NKAIN2: variants seen among roughly 807,000 people sequenced by gnomAD.
NKAIN2 encodes the protein sodium/potassium transporting ATPase interacting 2.
NKAIN2 carries 14 observed loss-of-function variants against 32.6 expected under a neutral mutation model. That is an observed-to-expected ratio of 0.43 (90% CI 0.28 to 0.67). The LOEUF is 0.67. Ranked by LOEUF, NKAIN2 falls within the 30% of genes least tolerant of loss-of-function variation. The pLI, the probability that NKAIN2 is intolerant of heterozygous loss-of-function variation, is 0.17. For synonymous variants in NKAIN2, 80 were observed against 87.2 expected (o/e 0.92, Z 0.46); for missense variants, 198 against 258.3 (o/e 0.77, Z 1.60).
intron 1 of NKAIN2, among the ~76,000 whole-genome samples, chr6:124,256,106 G>A (rs575471779): frequency 3.3e-5 from 5 of 152,274 alleles, no homozygotes; most frequent in African/African-American, 9.6e-5. Context: ...TTCTCAGCAA[G>A]TCAGTTGGCA....
chr6:124,481,565 C>A (rs1243323810), intron 3 of NKAIN2, among the ~76,000 whole-genome samples: 1 of 152,036 alleles, frequency 6.6e-6, no homozygotes, highest in African/African-American at 2.4e-5. Context: ...TTCTGTTTTT[C>A]AAATCTTTTA....
chr6:124,529,199 G>A lies in NKAIN2; in HGVS notation c.274-128987G>A, dbSNP rs72973805. On this transcript the variant is annotated intron_variant, in intron 3 of 6. Transcript: ENST00000368417. ...TTAACATTTGACATTGATGTATACA[G>A]AACAGAAACCTCACTCAAACTAAGA... is the stretch of plus-strand genomic sequence containing the variant. Among the ~76,000 whole-genome samples, 685 of 152,170 alleles carry A rather than the reference G, an allele frequency of 4.5e-3. 2 individuals are homozygous for A. Among genetic ancestry groups the A allele is most frequent in the Non-Finnish European group, 6.0e-3 (408 of 67,990 alleles).
At chr6:124,540,920 G>C (rs952903897) in intron 3 of NKAIN2, among the ~76,000 whole-genome samples, 1 of 152,098 alleles carries the variant, frequency 6.6e-6, no homozygotes, top group Non-Finnish European at 1.5e-5. Context: ...GGTAGGTTAG[G>C]TGTATTAACT....
At chr6:124,447,332 T>C (rs974449755) in intron 3 of NKAIN2, among the ~76,000 whole-genome samples, 5 of 152,156 alleles carry the variant, frequency 3.3e-5, no homozygotes, top group African/African-American at 1.2e-4. Context: ...TAAATAATAT[T>C]TGTTGAATGC....
At chr6:124,600,663 C>G (rs1297763492) in intron 3 of NKAIN2, among the ~76,000 whole-genome samples, 2 of 151,980 alleles carry the variant, frequency 1.3e-5, no homozygotes, top group Non-Finnish European at 2.9e-5. Context: ...TGGAATTTTA[C>G]AATTGCAGAA....
chr6:124,334,233 G>T (rs1797776835), intron 2 of NKAIN2, among the ~76,000 whole-genome samples: 2 of 152,126 alleles, frequency 1.3e-5, no homozygotes, highest in South Asian at 4.1e-4. Flanking sequence ...GAACCCTTGA[G>T]CCCAAAATAC....
chr6:124,521,169 A>G (rs1779104343), intron 3 of NKAIN2, among the ~76,000 whole-genome samples: 1 of 152,140 alleles, frequency 6.6e-6, no homozygotes, highest in African/African-American at 2.4e-5. Flanking sequence ...TACAATGTCA[A>G]GCAGGAGTAG....
chr6:123,858,267 C>T (rs1466493406), intron 1 of NKAIN2, among the ~76,000 whole-genome samples: 1 of 152,014 alleles, frequency 6.6e-6, no homozygotes, highest in Non-Finnish European at 1.5e-5. Flanking sequence ...AGGTGCCCAC[C>T]ACCACACCTG....
At chr6:124,098,805 G>A (rs1784753976) in intron 1 of NKAIN2, among the ~76,000 whole-genome samples, 1 of 152,170 alleles carries the variant, frequency 6.6e-6, no homozygotes, top group South Asian at 2.1e-4. Context: ...AGGAAGTGGA[G>A]GTTGCAGTGA....
chr6:124,325,495 A>G (rs1797374200), intron 2 of NKAIN2, among the ~76,000 whole-genome samples: 1 of 152,110 alleles, frequency 6.6e-6, no homozygotes. Flanking sequence ...ACAGGAAAAA[A>G]ATTGTAATAC....
chr6:124,135,316 T>G (rs1786703532), intron 1 of NKAIN2, among the ~76,000 whole-genome samples: 1 of 151,982 alleles, frequency 6.6e-6, no homozygotes, highest in African/African-American at 2.4e-5. Flanking sequence ...ATGCTCCACT[T>G]AAAAGATACA....
At chr6:124,231,873 A>ATATC (rs1792481103) in intron 1 of NKAIN2, among the ~76,000 whole-genome samples, 1 of 151,458 alleles carries the variant, frequency 6.6e-6, no homozygotes. Flanking sequence ...ATATATATAT[A>ATATC]CTTGCACATA....
At chr6:124,396,536 G>T (rs1336988272) in intron 3 of NKAIN2, among the ~76,000 whole-genome samples, 1 of 152,032 alleles carries the variant, frequency 6.6e-6, no homozygotes, top group Non-Finnish European at 1.5e-5. Flanking sequence ...TACATAAGGG[G>T]AATAGTTTTA....
chr6:123,819,196 A>G (rs1773821989), intron 1 of NKAIN2, among the ~76,000 whole-genome samples: 1 of 152,216 alleles, frequency 6.6e-6, no homozygotes, highest in Admixed American at 6.5e-5. Flanking sequence ...GATAATCTGC[A>G]GTGCTCAGGG....
intron 5 of NKAIN2, among the ~76,000 whole-genome samples, chr6:124,808,491 A>G (rs1582560824): frequency 6.6e-6 from 1 of 152,340 alleles, no homozygotes; most frequent in African/African-American, 2.4e-5. Context: ...TCTCAAAATA[A>G]TAGGAGCTAT....
At chr6:123,895,632 G>A (rs1189666631) in intron 1 of NKAIN2, among the ~76,000 whole-genome samples, 3 of 152,156 alleles carry the variant, frequency 2.0e-5, no homozygotes, top group Non-Finnish European at 2.9e-5. Context: ...TAACTAGGGT[G>A]GGGAGTTAGC....
intron 4 of NKAIN2, among the ~76,000 whole-genome samples, chr6:124,715,455 T>C (rs1775707268): frequency 6.6e-6 from 1 of 152,192 alleles, no homozygotes; most frequent in East Asian, 1.9e-4. Context: ...CCTTGAGCTC[T>C]GCTCCGTGAG....
chr6:124,185,021 G>T (rs1464764055), intron 1 of NKAIN2, among the ~76,000 whole-genome samples: 2 of 151,980 alleles, frequency 1.3e-5, no homozygotes, highest in African/African-American at 4.8e-5. Context: ...TAATTTTCCT[G>T]CCTTGAAGTA....
rs375002233 is a variant in NKAIN2 at position 124,791,339 on chromosome 6, C to T, written c.475C>T (p.Leu159=). 1.2e-6 allele frequency: 2 copies of T among 1,607,324 alleles called. No homozygotes were observed. The highest frequency in any genetic ancestry group is 2.7e-5 in the African/African-American group (2 of 74,890). The change falls in exon 5 of 7, where the codon CTG becomes TTG. Residue 159 remains leucine (L), a splice_region_variant and synonymous_variant. Coordinates refer to ENST00000368417, the MANE Select transcript of NKAIN2 (RefSeq NM_001040214.3). ...AHSSLQIVLA[L]AGFIYACYVV... ...CTAAAGCATCTCTGTTTTGTTTCAG[C>T]TGGCAGGTTTCATCTACGCCTGTTA... is the stretch of plus-strand genomic sequence containing the variant.
Sources: allele counts gnomAD v4.1 joint callset (sites outside exome capture counted in the v4.1 genomes callset), GRCh38; gene constraint gnomAD v4.1.1; transcripts MANE v1.5; gene names NCBI Gene and HGNC (gene_info 2026-07-23, HGNC 2026-07-21).